PROM1: variants seen among roughly 807,000 people sequenced by gnomAD.
The protein encoded by PROM1 is prominin-1.
PROM1 carries 105 observed loss-of-function variants against 116.9 expected under a neutral mutation model. That is an observed-to-expected ratio of 0.90 (90% CI 0.77 to 1.06). PROM1 has a LOEUF of 1.06. PROM1 is among the 50% of genes least tolerant of loss of function. The pLI is 0.00. For synonymous variants in PROM1, 393 were observed against 387.0 expected, an observed-to-expected ratio of 1.02 and a Z score of -0.18; for missense variants, 1,122 against 1,045.2, an observed-to-expected ratio of 1.07 and a Z score of -1.01.
intron 26 of PROM1, chr4:15,976,185 G>C: frequency 2.2e-6 from 1 of 455,598 alleles, no homozygotes; most frequent in Non-Finnish European, 4.4e-6. Flanking sequence ...AATCTAGTTC[G>C]AATTTCAACA....
intron 2 of PROM1, among the ~76,000 whole-genome samples, chr4:16,071,835 C>T (rs891912132): frequency 4.6e-5 from 7 of 152,170 alleles, no homozygotes; most frequent in African/African-American, 1.7e-4. Flanking sequence ...CATATTGGAA[C>T]CACAGTCTCC....
At chr4:16,004,833 C>CT (rs1164773790) in intron 13 of PROM1, among the ~76,000 whole-genome samples, 1,477 of 42,212 alleles carry the variant, frequency 0.035, 35 homozygotes, top group African/African-American at 0.085. Flanking sequence ...CTTTCTTTTT[C>CT]TTCCTTCCTT....
chr4:15,978,831 C>A (rs6830263), intron 26 of PROM1, among the ~76,000 whole-genome samples: 57,277 of 151,974 alleles, frequency 0.38, 10,877 homozygotes, highest in Admixed American at 0.45. Context: ...AGAAGAGGAC[C>A]GACCTCTGGC....
At chr4:16,063,888 T>C (rs1740912434) in intron 2 of PROM1, among the ~76,000 whole-genome samples, 1 of 150,682 alleles carries the variant, frequency 6.6e-6, no homozygotes, top group South Asian at 2.1e-4. Context: ...GTAGGAGGAG[T>C]GAATAGAGGT....
chr4:15,972,273 A>G (rs550494674), intron 26 of PROM1, among the ~76,000 whole-genome samples: 1 of 152,328 alleles, frequency 6.6e-6, no homozygotes, highest in East Asian at 1.9e-4. Flanking sequence ...CTGCTGCTAT[A>G]ACAGAATATC....
intron 5 of PROM1, among the ~76,000 whole-genome samples, chr4:16,025,676 C>T (rs1731071083): frequency 6.6e-6 from 1 of 152,050 alleles, no homozygotes; most frequent in Admixed American, 6.6e-5. Context: ...TGTGTACACA[C>T]CCTCCTGTGT....
chr4:16,024,210 C>A (rs545255514), intron 7 of PROM1, 85 bp downstream of exon 7: 2 of 1,213,196 alleles, frequency 1.6e-6, no homozygotes, highest in African/African-American at 1.5e-5. Context: ...CCAACTTTCA[C>A]GTACGTCATT....
At chr4:16,055,103 C>A in intron 2 of PROM1, 1 of 261,200 alleles carries the variant, frequency 3.8e-6, no homozygotes, top group Non-Finnish European at 7.8e-6. Flanking sequence ...CCAGTGCTGT[C>A]CACCTGTAGC....
chr4:16,009,909 T>G (rs572003525), intron 11 of PROM1, among the ~76,000 whole-genome samples: 190 of 126,132 alleles, frequency 1.5e-3, no homozygotes, highest in Non-Finnish European at 2.3e-3. Context: ...TACTCCAGCC[T>G]GGGTGACATA....
chr4:16,016,575 T>C (rs982486171), intron 9 of PROM1, among the ~76,000 whole-genome samples: 4 of 152,204 alleles, frequency 2.6e-5, no homozygotes, highest in Non-Finnish European at 5.9e-5. Context: ...AAAGTCACTT[T>C]TAAAAGCAAT....
At chr4:15,974,763 A>C (rs150392909) in intron 26 of PROM1, among the ~76,000 whole-genome samples, 362 of 152,260 alleles carry the variant, frequency 2.4e-3, no homozygotes, top group African/African-American at 8.4e-3. Context: ...GAGCCACCGC[A>C]TCAGCCAGAG....
At chr4:16,025,874 G>T (rs1320335603) in intron 5 of PROM1, among the ~76,000 whole-genome samples, 1 of 152,214 alleles carries the variant, frequency 6.6e-6, no homozygotes, top group Non-Finnish European at 1.5e-5. Flanking sequence ...AAAGTAACAT[G>T]AGTTACTTTA....
At position 15,990,612 on chromosome 4, in the gene PROM1, GC is replaced by G. The variant is rs367837271; in HGVS notation, c.1983+609del. On this transcript the variant is annotated intron_variant, in intron 18 of 27. Coordinates refer to ENST00000447510, the MANE Select transcript of PROM1 (RefSeq NM_006017.3). ...GATCCAGAGCTAAAGTAGTGAGGGTGCCCGCACTCAGAGCAGAGGGTGGAAG... is the reference window on the plus strand; with the variant it reads ...GATCCAGAGCTAAAGTAGTGAGGGTGCCGCACTCAGAGCAGAGGGTGGAAG... Among the ~76,000 whole-genome samples the G allele has an allele frequency of 7.2e-5, 11 of 152,332 alleles. No individual in the cohort carries two copies. The South Asian group carries it at 1.9e-3, about 26-fold the overall frequency.
rs1713761487 is a variant in PROM1 at position 15,969,191 on chromosome 4, G to GACTATA, written c.*196_*201dup. 6.6e-6 allele frequency: 1 copy of GACTATA among 152,218 alleles called. No individual in the cohort carries two copies. The highest frequency in any genetic ancestry group is 2.4e-5 in the African/African-American group (1 of 41,458). 9.4% of individuals were successfully genotyped at this position (152,218 alleles called of 1,614,324 possible). ...CATCCTTGAATAGTGATGGACCATG[G>GACTATA]ACTATAACGTGATTGTGTTCATTCT... On this transcript the variant is annotated 3_prime_UTR_variant, in exon 28 of 28. Transcript: ENST00000447510.
chr4:15,990,205 G>A (rs535351892), intron 18 of PROM1, among the ~76,000 whole-genome samples: 12 of 152,246 alleles, frequency 7.9e-5, no homozygotes, highest in Non-Finnish European at 1.6e-4. Context: ...AATCCTATAA[G>A]GTAGATACCA....
At chr4:16,054,737 A>G (rs969391763) in intron 2 of PROM1, among the ~76,000 whole-genome samples, 1 of 152,036 alleles carries the variant, frequency 6.6e-6, no homozygotes, top group Admixed American at 6.6e-5. Context: ...GACCCCTTCA[A>G]TCCAGCCAGA....
intron 26 of PROM1, among the ~76,000 whole-genome samples, chr4:15,974,023 A>G (rs1715392085): frequency 6.6e-6 from 1 of 152,132 alleles, no homozygotes; most frequent in Non-Finnish European, 1.5e-5. Flanking sequence ...ACAGGAAGCA[A>G]CTTTCTCTCC....
rs566648519 is a variant in PROM1, at chr4:15,969,311, T to A, written c.*82A>T. Reference sequence around the variant, plus strand: ...CGTTGCTCCTGGATTTGGAAAGTCCTTGTAGACCCAGAAACTACCAAAAAT... The same window carrying A: ...CGTTGCTCCTGGATTTGGAAAGTCCATGTAGACCCAGAAACTACCAAAAAT... On this transcript the variant is annotated 3_prime_UTR_variant, in exon 28 of 28. Transcript: ENST00000447510. The A allele has an allele frequency of 6.6e-6, 1 of 152,212 alleles. No individual in the cohort carries two copies. Among genetic ancestry groups the A allele is most frequent in the Non-Finnish European group, 1.5e-5 (1 of 68,036 alleles). The allele number at this position is 152,212 out of a possible 1,614,324, so 9.4% of individuals were successfully genotyped here.
chr4:16,015,403 G>C (rs1222802252), intron 10 of PROM1, among the ~76,000 whole-genome samples: 2 of 134,902 alleles, frequency 1.5e-5, no homozygotes, highest in South Asian at 5.1e-4. Context: ...AAAAAACTAA[G>C]TAGCGGCTGG....
Sources: gnomAD v4.1 joint callset for allele counts (sites outside exome capture counted in the v4.1 genomes callset) on GRCh38, gnomAD v4.1.1 for gene constraint, MANE v1.5 for transcripts, NCBI Gene and HGNC (gene_info 2026-07-23, HGNC 2026-07-21) for gene names.